Variants in HORMAD2 observed in about 807,000 individuals in gnomAD.
The protein encoded by HORMAD2 is HORMA domain containing 2.
A neutral mutation model predicts 38.8 loss-of-function variants in HORMAD2; 45 were observed. That is an observed-to-expected ratio of 1.16 (90% CI 0.91 to 1.49). The LOEUF (loss-of-function observed/expected upper bound fraction) is 1.49. HORMAD2 is among the 40% of genes most tolerant of loss of function. The pLI, the probability that HORMAD2 is intolerant of heterozygous loss-of-function variation, is 0.00. For missense variants in HORMAD2, 338 were observed against 367.0 expected (o/e 0.92, Z 0.65); for synonymous variants, 126 against 122.8 (o/e 1.03, Z -0.17).
At chr22:30,086,173 C>T (rs2068567853) in intron 1 of HORMAD2, among the ~76,000 whole-genome samples, 1 of 152,168 alleles carries the variant, frequency 6.6e-6, no homozygotes, top group Non-Finnish European at 1.5e-5. Context: ...CCTTCTCTGG[C>T]CGTGTAAAAC....
chr22:30,126,170 CT>C (rs933925818), intron 10 of HORMAD2, among the ~76,000 whole-genome samples: 36 of 147,392 alleles, frequency 2.4e-4, no homozygotes, highest in Admixed American at 6.8e-4. Context: ...AGAGTATGGA[CT>C]TTTTTTTTTT....
chr22:30,111,705 C>A, intron 5 of HORMAD2, 91 bp from the exon 6 acceptor site: 1 of 1,092,558 alleles, frequency 9.2e-7, no homozygotes. Context: ...TCGAACCTCT[C>A]TGAAATAATA....
At position 30,176,320 on chromosome 22, in the gene HORMAD2, A is replaced by G; in HGVS notation, c.*153A>G. 1.7e-6 allele frequency: 1 copy of G among 601,282 alleles called. No individual in the cohort carries two copies. The highest frequency in any genetic ancestry group is 2.9e-6 in the Non-Finnish European group (1 of 342,668). The allele number at this position is 601,282 out of a possible 1,614,324, so 37.2% of individuals were successfully genotyped here. On this transcript the variant is annotated 3_prime_UTR_variant, in exon 11 of 11. Transcript: ENST00000336726. ...TTTGTCAGTTGCTAAGTGCTAAATTACTGGCCAGGTAGGACGCGAGTCCAC... is the reference window on the plus strand; with the variant it reads ...TTTGTCAGTTGCTAAGTGCTAAATTGCTGGCCAGGTAGGACGCGAGTCCAC...
intron 1 of HORMAD2, among the ~76,000 whole-genome samples, chr22:30,088,498 G>A (rs2068625988): frequency 6.6e-6 from 1 of 151,404 alleles, no homozygotes; most frequent in Non-Finnish European, 1.5e-5. Context: ...GTAATGCCTT[G>A]TGTTCTAATT....
chr22:30,156,432 T>C (rs1396048348), intron 10 of HORMAD2, among the ~76,000 whole-genome samples: 1 of 152,198 alleles, frequency 6.6e-6, no homozygotes, highest in Non-Finnish European at 1.5e-5. Flanking sequence ...TAAATGAATG[T>C]AGAAACAAAA....
chr22:30,135,348 T>G (rs1923578165), intron 10 of HORMAD2, among the ~76,000 whole-genome samples: 1 of 151,766 alleles, frequency 6.6e-6, no homozygotes, highest in South Asian at 2.1e-4. Context: ...AGTCTTAAAA[T>G]TGCCCTAGCT....
At position 30,176,144 on chromosome 22, in the gene HORMAD2, G is replaced by GT. The variant is rs767543013; in HGVS notation, c.902dup (p.Phe302LeufsTer4). Reference sequence around the variant, plus strand: ...GAGGAAGGTCAGTGAACCAGTGAAGGTCTTCATCCCTAACAGAAAATGAAA... The same window carrying GT: ...GAGGAAGGTCAGTGAACCAGTGAAGGTTCTTCATCCCTAACAGAAAATGAAA... On this transcript the variant is annotated frameshift_variant, in exon 11 of 11. Transcript: ENST00000336726. LOFTEE classifies it high-confidence loss of function. 12 of 1,609,252 alleles carry GT rather than the reference G, an allele frequency of 7.5e-6. No homozygotes were observed. The African/African-American group carries it at 1.6e-4, about 22-fold the overall frequency.
the HORMAD2 span, chr22:30,207,222 C>T: frequency 3.8e-5 from 15 of 398,172 alleles, no homozygotes; most frequent in Middle Eastern, 3.8e-4. Flanking sequence ...GGGTTTGGGA[C>T]GACAGGTGCA....
At chr22:30,204,252 T>A in the HORMAD2 span, among the ~76,000 whole-genome samples, 31 of 152,128 alleles carry the variant, frequency 2.0e-4, no homozygotes, top group Non-Finnish European at 4.3e-4. Flanking sequence ...AGAGGAGTGT[T>A]CCTGCCATCC....
At chr22:30,207,265 T>C in the HORMAD2 span, 4 of 337,730 alleles carry the variant, frequency 1.2e-5, no homozygotes, top group East Asian at 3.7e-4. Context: ...GATTCTTTTC[T>C]TGGGGCTGCC....
intron 6 of HORMAD2, 138 bp downstream of exon 6, chr22:30,111,954 A>C (rs1418399076): frequency 1.7e-6 from 1 of 590,762 alleles, no homozygotes; most frequent in African/African-American, 2.0e-5. Flanking sequence ...AAAACATAGG[A>C]TCTATCAGAA....
chr22:30,119,272 T>G (rs1453230882), intron 8 of HORMAD2, among the ~76,000 whole-genome samples: 1 of 152,102 alleles, frequency 6.6e-6, no homozygotes, highest in Non-Finnish European at 1.5e-5. Context: ...AGGTAGAAAT[T>G]ATGTCAATAA....
Position 30,103,423 on chromosome 22 carries a change from T to A in HORMAD2, c.194-14T>A. The stretch of plus-strand genomic sequence containing the variant: ...TTTAGTAGATAAAAATAGACTGTGT[T>A]TCTGTTTTTGTAGACCTCAGTTTAA... On this transcript the variant is annotated splice_polypyrimidine_tract_variant and intron_variant, in intron 3 of 10. Coordinates refer to ENST00000336726, the MANE Select transcript of HORMAD2 (RefSeq NM_152510.4). The A allele has an allele frequency of 6.7e-7, 1 of 1,489,992 alleles. No individual in the cohort carries two copies. Among genetic ancestry groups the A allele is most frequent in the East Asian group, 2.4e-5 (1 of 40,840 alleles). 92.3% of individuals were successfully genotyped at this position (1,489,992 alleles called of 1,614,324 possible). A position where few individuals can be genotyped will look rare whatever the true frequency, so the allele number is the denominator to read the frequency against.
At chr22:30,148,591 A>G (rs527508976) in intron 10 of HORMAD2, among the ~76,000 whole-genome samples, 1 of 152,358 alleles carries the variant, frequency 6.6e-6, no homozygotes, top group South Asian at 2.1e-4. Flanking sequence ...AGTGTTAATC[A>G]GCAAAGTCCT....
intron 10 of HORMAD2, among the ~76,000 whole-genome samples, chr22:30,167,094 G>A (rs1925831028): frequency 6.6e-6 from 1 of 152,190 alleles, no homozygotes; most frequent in Non-Finnish European, 1.5e-5. Flanking sequence ...GGGGCTCTAA[G>A]AGAAGTTCTA....
intron 10 of HORMAD2, among the ~76,000 whole-genome samples, chr22:30,154,517 C>A (rs1924948421): frequency 1.3e-5 from 2 of 152,096 alleles, no homozygotes; most frequent in South Asian, 4.1e-4. Context: ...GTCATCTAAC[C>A]CTCAGATTCC....
At chr22:30,205,181 T>C in the HORMAD2 span, among the ~76,000 whole-genome samples, 1 of 152,038 alleles carries the variant, frequency 6.6e-6, no homozygotes, top group African/African-American at 2.4e-5. Context: ...ACTCCAGAGG[T>C]GGCAATGATT....
intron 3 of HORMAD2, 97 bp downstream of exon 3, chr22:30,099,090 A>G (rs954941458): frequency 1.9e-6 from 2 of 1,044,870 alleles, no homozygotes; most frequent in African/African-American, 3.2e-5. Flanking sequence ...GCTAATTCCA[A>G]CTTAAGGGCC....
chr22:30,205,781 G>A, the HORMAD2 span, among the ~76,000 whole-genome samples: 11 of 152,152 alleles, frequency 7.2e-5, no homozygotes, highest in East Asian at 1.9e-4. Context: ...CGGAAAAGCC[G>A]CTGCCCGTTC....
Sources: gnomAD v4.1 joint callset for allele counts (sites outside exome capture counted in the v4.1 genomes callset) on GRCh38, gnomAD v4.1.1 for gene constraint, MANE v1.5 for transcripts, NCBI Gene and HGNC (gene_info 2026-07-23, HGNC 2026-07-21) for gene names.